Variants in LRRFIP1 observed in about 807,000 individuals in gnomAD.
The protein encoded by LRRFIP1 is leucine-rich repeat flightless-interacting protein 1.
In LRRFIP1, 62 loss-of-function variants were observed where a neutral mutation model predicts 104.4. The ratio of observed to expected loss-of-function variants is 0.59; its 90% CI spans 0.48 to 0.73. LRRFIP1 has a LOEUF of 0.73. LRRFIP1 is among the 30% of genes least tolerant of loss of function. The probability of loss-of-function intolerance (pLI) is 0.00; values close to 1 mark genes in which losing one functional copy is unlikely to be tolerated. For missense variants in LRRFIP1, 796 were observed against 824.5 expected, an observed-to-expected ratio of 0.97 and a Z score of 0.42; for synonymous variants, 300 against 299.0, an observed-to-expected ratio of 1.00 and a Z score of -0.03.
chr2:237,766,265 T>G lies in LRRFIP1; in HGVS notation c.1460-3678T>G, dbSNP rs182917625. 1.2e-4 allele frequency among the ~76,000 whole-genome samples: 19 copies of G among 152,322 alleles called. No individual in the cohort carries two copies. The highest frequency in any genetic ancestry group is 4.6e-4 in the African/African-American group (19 of 41,570). On this transcript the variant is annotated intron_variant, in intron 19 of 23. Transcript: ENST00000308482. This position sits in a 1 kb window ranked among gnomAD's most constrained non-coding sequence, Gnocchi z 4.8. ...AGCAGGATGAAAACGGCAAAAACCT[T>G]GACTGTTTCTGCTCAAGTGTCCTGA...
chr2:237,709,257 G>T (rs184153131), intron 2 of LRRFIP1, among the ~76,000 whole-genome samples: 5 of 152,118 alleles, frequency 3.3e-5, no homozygotes, highest in African/African-American at 9.7e-5. Flanking sequence ...ACAGCATAAG[G>T]GTTCTTTAAC....
chr2:237,638,889 G>A (rs1042638541), intron 1 of LRRFIP1, among the ~76,000 whole-genome samples: 3 of 152,190 alleles, frequency 2.0e-5, no homozygotes, highest in Non-Finnish European at 4.4e-5. Context: ...TGGACTGATC[G>A]ATGGACTGAT....
chr2:237,688,618 C>A (rs1316220124), intron 1 of LRRFIP1, among the ~76,000 whole-genome samples: 2 of 151,990 alleles, frequency 1.3e-5, no homozygotes, highest in African/African-American at 4.8e-5. Flanking sequence ...ACCACCACAC[C>A]CAGCTAACTT....
intron 1 of LRRFIP1, among the ~76,000 whole-genome samples, chr2:237,628,715 A>G (rs2081942785): frequency 6.6e-6 from 1 of 152,202 alleles, no homozygotes; most frequent in Non-Finnish European, 1.5e-5. Flanking sequence ...TTCTTCCCAC[A>G]GGAAACACCT....
At position 237,692,473 on chromosome 2, in the gene LRRFIP1, C is replaced by T. The variant is rs964075165; in HGVS notation, c.97-16071C>T. 9.8e-6 allele frequency: 15 copies of T among 1,531,558 alleles called. No individual in the cohort carries two copies. In the Middle Eastern group the frequency reaches 5.5e-4, roughly 56 times the overall value. The allele number at this position is 1,531,558 out of a possible 1,614,324, so 94.9% of individuals were successfully genotyped here. ...CCGGCAGGATGACCAGCCCCGCGGC[C>T]GCTCAAAGCCGGGAGATCGACTGTT... On this transcript the variant is annotated intron_variant, in intron 1 of 23. Transcript: ENST00000308482.
rs1260619224 is a variant in LRRFIP1, at chr2:237,703,688, C to T, written c.97-4856C>T. 6.6e-6 allele frequency among the ~76,000 whole-genome samples: 1 copy of T among 152,106 alleles called. No homozygotes were observed. Among genetic ancestry groups the T allele is most frequent in the Non-Finnish European group, 1.5e-5 (1 of 68,020 alleles). On this transcript the variant is annotated intron_variant, in intron 1 of 23. Coordinates refer to ENST00000308482, the MANE Select transcript of LRRFIP1 (RefSeq NM_001137550.2). The surrounding 1 kb of genome is among the most constrained non-coding windows in gnomAD (Gnocchi z 4.3). ...CCCCGCCCCTGCCACACGTTTCTTCCCCCATGTGGTCCTCATCACATGTAC... is the reference window on the plus strand; with the variant it reads ...CCCCGCCCCTGCCACACGTTTCTTCTCCCATGTGGTCCTCATCACATGTAC...
chr2:237,688,485 T>TCA, intron 1 of LRRFIP1, among the ~76,000 whole-genome samples: 1 of 124,048 alleles, frequency 8.1e-6, no homozygotes, highest in Non-Finnish European at 1.6e-5. Flanking sequence ...AGACAGAGTC[T>TCA]CACTCTGTTG....
intron 1 of LRRFIP1, among the ~76,000 whole-genome samples, chr2:237,666,652 C>T (rs975714579): frequency 2.0e-5 from 3 of 152,038 alleles, no homozygotes; most frequent in African/African-American, 4.8e-5. Flanking sequence ...TGAAGCAAAC[C>T]CTGCTGGTAC....
At chr2:237,715,332 A>G (rs2094286214) in intron 3 of LRRFIP1, among the ~76,000 whole-genome samples, 1 of 152,190 alleles carries the variant, frequency 6.6e-6, no homozygotes, top group African/African-American at 2.4e-5. Flanking sequence ...TCGTCCTCAG[A>G]GAGCCTCGGG....
intron 1 of LRRFIP1, among the ~76,000 whole-genome samples, chr2:237,693,619 A>G (rs1390887452): frequency 6.6e-6 from 1 of 152,116 alleles, no homozygotes; most frequent in Non-Finnish European, 1.5e-5. Flanking sequence ...CCCTTGAATC[A>G]CCATCAGGGA....
intron 19 of LRRFIP1, chr2:237,768,589 G>A (rs913086931): frequency 1.3e-5 from 2 of 152,142 alleles, no homozygotes; most frequent in South Asian, 2.1e-4. Flanking sequence ...TGGGTTATGG[G>A]GGGGAGCGAG....
At chr2:237,697,246 C>G (rs1354196381) in intron 1 of LRRFIP1, among the ~76,000 whole-genome samples, 1 of 152,164 alleles carries the variant, frequency 6.6e-6, no homozygotes. Context: ...TGGTCTCAAA[C>G]TCCTGACCTC....
At chr2:237,640,737 C>G (rs967751562) in intron 1 of LRRFIP1, among the ~76,000 whole-genome samples, 4 of 152,236 alleles carry the variant, frequency 2.6e-5, no homozygotes, top group African/African-American at 9.6e-5. Context: ...CTCCGCAGCT[C>G]TCTGCACGAT....
At chr2:237,750,251 T>C (rs1337770375) in intron 13 of LRRFIP1, among the ~76,000 whole-genome samples, 1 of 151,912 alleles carries the variant, frequency 6.6e-6, no homozygotes, top group East Asian at 1.9e-4. Flanking sequence ...CCATTTCCCA[T>C]GTGCCACCCC....
chr2:237,723,702 G>T, intron 7 of LRRFIP1, 116 bp downstream of exon 7: 3 of 1,303,222 alleles, frequency 2.3e-6, no homozygotes, highest in South Asian at 1.2e-5. Context: ...TGCCTGGGGG[G>T]CTATGAGGCC....
chr2:237,660,190 G>T (rs1005450059), intron 1 of LRRFIP1, among the ~76,000 whole-genome samples: 1 of 152,178 alleles, frequency 6.6e-6, no homozygotes, highest in African/African-American at 2.4e-5. Flanking sequence ...GAAGGCAAAA[G>T]AAATAAAATA....
chr2:237,700,978 C>T (rs1358470051), intron 1 of LRRFIP1, among the ~76,000 whole-genome samples: 1 of 152,154 alleles, frequency 6.6e-6, no homozygotes, highest in Admixed American at 6.5e-5. Context: ...CCTAGGGTAT[C>T]ACCACAGAGT....
chr2:237,633,894 G>A (rs933655451), intron 1 of LRRFIP1, among the ~76,000 whole-genome samples: 4 of 152,024 alleles, frequency 2.6e-5, no homozygotes, highest in Non-Finnish European at 4.4e-5. Context: ...GGCACATGTC[G>A]TCCCCCACTG....
At chr2:237,630,111 G>C (rs4663766) in intron 1 of LRRFIP1, among the ~76,000 whole-genome samples, 63,848 of 152,034 alleles carry the variant, frequency 0.42, 13,703 homozygotes, top group East Asian at 0.46. Context: ...CGCCCCTCCC[G>C]GTAAAACCCA....
Sources: allele counts gnomAD v4.1 joint callset (sites outside exome capture counted in the v4.1 genomes callset), GRCh38; gene constraint gnomAD v4.1.1; non-coding constraint Gnocchi (gnomAD v3.1); transcripts MANE v1.5; gene names NCBI Gene and HGNC (gene_info 2026-07-23, HGNC 2026-07-21).